Variants in SLC10A7 observed in about 807,000 individuals in gnomAD.
SLC10A7 encodes sodium/bile acid cotransporter 7.
In SLC10A7, 29 loss-of-function variants were observed where a neutral mutation model predicts 43.2. The observed-to-expected ratio is 0.67, with a 90% CI of 0.50 to 0.92. SLC10A7 has a LOEUF of 0.92. Among genes scored for constraint, SLC10A7 ranks in the 40% least tolerant of loss-of-function variants. The pLI is 0.00. For synonymous variants in SLC10A7, 152 were observed against 144.8 expected (o/e 1.05, Z -0.35); for missense variants, 295 against 403.2 (o/e 0.73, Z 2.30).
chr4:146,413,492 T>A (rs1728345299), intron 5 of SLC10A7, among the ~76,000 whole-genome samples: 1 of 152,188 alleles, frequency 6.6e-6, no homozygotes, highest in Non-Finnish European at 1.5e-5. Context: ...CCTTTCCTGC[T>A]TTCTATTTTC....
intron 4 of SLC10A7, among the ~76,000 whole-genome samples, chr4:146,460,617 A>C (rs1217505878): frequency 6.6e-6 from 1 of 151,992 alleles, no homozygotes; most frequent in Non-Finnish European, 1.5e-5. Flanking sequence ...CTGATAGGCT[A>C]TTCTGGAAAA....
At chr4:146,468,754 G>A (rs186041327) in intron 4 of SLC10A7, among the ~76,000 whole-genome samples, 131 of 152,164 alleles carry the variant, frequency 8.6e-4, no homozygotes, top group African/African-American at 3.1e-3. Context: ...GAGCCACCGC[G>A]CCTGGCCAGC....
intron 3 of SLC10A7, 34 bp downstream of exon 3, chr4:146,509,879 A>G (rs1276290476): frequency 1.9e-6 from 3 of 1,596,314 alleles, no homozygotes; most frequent in Non-Finnish European, 2.6e-6. Context: ...ATGCCCCATT[A>G]AAAGTGGACC....
chr4:146,442,237 T>TTATA (rs57108158), intron 5 of SLC10A7: 18,392 of 792,164 alleles, frequency 0.023, 95 homozygotes, highest in African/African-American at 0.06. Flanking sequence ...TTTTGAATCT[T>TTATA]TATATATATA....
intron 4 of SLC10A7, among the ~76,000 whole-genome samples, chr4:146,471,162 A>G (rs1733534762): frequency 6.6e-6 from 1 of 152,156 alleles, no homozygotes; most frequent in Non-Finnish European, 1.5e-5. Flanking sequence ...AAAATCCAAA[A>G]TCCAAAATGC....
intron 5 of SLC10A7, among the ~76,000 whole-genome samples, chr4:146,391,447 C>T (rs556224757): frequency 5.3e-5 from 8 of 152,144 alleles, no homozygotes; most frequent in Non-Finnish European, 1.2e-4. Flanking sequence ...AAAGTAAAAA[C>T]ACTGCTAAAA....
intron 5 of SLC10A7, among the ~76,000 whole-genome samples, chr4:146,381,083 T>TG (rs1294697606): frequency 1.3e-5 from 2 of 152,092 alleles, no homozygotes; most frequent in Non-Finnish European, 2.9e-5. Flanking sequence ...CCATACAATT[T>TG]GGGGGGCTCT....
intron 6 of SLC10A7, among the ~76,000 whole-genome samples, chr4:146,312,194 A>G (rs1732029058): frequency 6.6e-6 from 1 of 152,288 alleles, no homozygotes; most frequent in Admixed American, 6.5e-5. Flanking sequence ...AAAGAACAAA[A>G]GAGGCTTAGT....
At chr4:146,490,254 G>C (rs1331851772) in intron 4 of SLC10A7, among the ~76,000 whole-genome samples, 1 of 152,002 alleles carries the variant, frequency 6.6e-6, no homozygotes, top group Non-Finnish European at 1.5e-5. Context: ...AACTTCAGAG[G>C]AACAAAAAGA....
rs952671905 is a variant in SLC10A7 at position 146,437,384 on chromosome 4, A to G, written c.435+5399T>C. Among the ~76,000 whole-genome samples, 4 of 152,114 alleles carry G rather than the reference A, an allele frequency of 2.6e-5. No individual in the cohort carries two copies. In the East Asian group the frequency reaches 7.7e-4, roughly 29 times the overall value. ...TAATACCCAGGATGGGCCATTTAAAATCTTGGTTTTATCCAGTTCTTCCCA... is the reference window on the plus strand; with the variant it reads ...TAATACCCAGGATGGGCCATTTAAAGTCTTGGTTTTATCCAGTTCTTCCCA... On this transcript the variant is annotated intron_variant, in intron 5 of 11. Transcript: ENST00000335472.
At chr4:146,273,001 G>A (rs1266940682) in intron 10 of SLC10A7, among the ~76,000 whole-genome samples, 1 of 151,984 alleles carries the variant, frequency 6.6e-6, no homozygotes, top group Non-Finnish European at 1.5e-5. Context: ...GAGCACTGAG[G>A]GCATGTGAGT....
chr4:146,460,269 G>A (rs565784867), intron 4 of SLC10A7, among the ~76,000 whole-genome samples: 26 of 151,972 alleles, frequency 1.7e-4, no homozygotes, highest in Non-Finnish European at 2.8e-4. Context: ...AGCCACTGTC[G>A]AAAACAAAGT....
intron 5 of SLC10A7, among the ~76,000 whole-genome samples, chr4:146,409,545 G>A (rs1479613766): frequency 1.3e-5 from 2 of 151,872 alleles, no homozygotes; most frequent in South Asian, 2.1e-4. Flanking sequence ...TGATTATAGT[G>A]GTCATTATAT....
At chr4:146,418,555 T>A (rs1214590796) in intron 5 of SLC10A7, among the ~76,000 whole-genome samples, 1 of 151,598 alleles carries the variant, frequency 6.6e-6, no homozygotes, top group Non-Finnish European at 1.5e-5. Flanking sequence ...AGCTAAAGAT[T>A]TTTTTTAAAA....
At chr4:146,349,100 T>C (rs1734832107) in intron 5 of SLC10A7, among the ~76,000 whole-genome samples, 1 of 152,216 alleles carries the variant, frequency 6.6e-6, no homozygotes, top group South Asian at 2.1e-4. Flanking sequence ...ATTTTTCAAA[T>C]GATTTTTGCT....
At chr4:146,277,644 T>A (rs2111087996) in intron 10 of SLC10A7, among the ~76,000 whole-genome samples, 1 of 152,298 alleles carries the variant, frequency 6.6e-6, no homozygotes, top group Admixed American at 6.5e-5. Context: ...GGAAATTGCA[T>A]GACAGGAATA....
chr4:146,356,152 C>T (rs1735610558), intron 5 of SLC10A7, among the ~76,000 whole-genome samples: 1 of 151,030 alleles, frequency 6.6e-6, no homozygotes, highest in Non-Finnish European at 1.5e-5. Context: ...TTTTGGCTCT[C>T]ATGCATACTT....
intron 4 of SLC10A7, among the ~76,000 whole-genome samples, chr4:146,499,189 G>A (rs1429493441): frequency 2.0e-5 from 3 of 152,100 alleles, no homozygotes; most frequent in African/African-American, 7.2e-5. Flanking sequence ...GAAGGAAGAC[G>A]TTTTCATACT....
At chr4:146,296,565 G>C (rs1028601999) in intron 7 of SLC10A7, among the ~76,000 whole-genome samples, 1 of 152,098 alleles carries the variant, frequency 6.6e-6, no homozygotes, top group African/African-American at 2.4e-5. Context: ...ATAAAGAAAA[G>C]AACTGGAAAG....
Sources: gnomAD v4.1 joint callset for allele counts (sites outside exome capture counted in the v4.1 genomes callset) on GRCh38, gnomAD v4.1.1 for gene constraint, MANE v1.5 for transcripts, NCBI Gene and HGNC (gene_info 2026-07-23, HGNC 2026-07-21) for gene names.